Variants in ARID4B observed in about 807,000 individuals in gnomAD.
ARID4B encodes AT-rich interaction domain 4B.
A neutral mutation model predicts 147.5 loss-of-function variants in ARID4B; 26 were observed. The ratio of observed to expected loss-of-function variants is 0.18; its 90% CI spans 0.13 to 0.24. The LOEUF (loss-of-function observed/expected upper bound fraction) is 0.24, where lower values mean the gene tolerates loss of function less well. Among genes scored for constraint, ARID4B ranks in the 10% least tolerant of loss-of-function variants. The probability of loss-of-function intolerance (pLI) is 1.00; values close to 1 mark genes in which losing one functional copy is unlikely to be tolerated. For synonymous variants in ARID4B, 512 were observed against 507.9 expected (o/e 1.01, Z -0.11); for missense variants, 1,179 against 1,511.5 (o/e 0.78, Z 3.65).
intron 3 of ARID4B, among the ~76,000 whole-genome samples, chr1:235,258,158 C>G (rs1670098459): frequency 6.6e-6 from 1 of 152,022 alleles, no homozygotes; most frequent in Non-Finnish European, 1.5e-5. Context: ...TGGTGAAGCC[C>G]CATCTCTATT....
chr1:235,209,653 C>A (rs1666579545), intron 17 of ARID4B, among the ~76,000 whole-genome samples: 1 of 149,276 alleles, frequency 6.7e-6, no homozygotes. Context: ...AACCTCTGTG[C>A]CCCTGGATCA....
At chr1:235,196,696 AC>A (rs2102966711) in intron 17 of ARID4B, among the ~76,000 whole-genome samples, 1 of 152,134 alleles carries the variant, frequency 6.6e-6, no homozygotes, top group African/African-American at 2.4e-5. Context: ...TACTAAAAAT[AC>A]AAAAAATTAG....
chr1:235,294,311 A>ATTTTTTT (rs5781824), intron 2 of ARID4B, among the ~76,000 whole-genome samples: 27 of 114,106 alleles, frequency 2.4e-4, no homozygotes, highest in African/African-American at 8.4e-4. Context: ...AACCAGCAGC[A>ATTTTTTT]TTTTTTTTTT....
intron 17 of ARID4B, among the ~76,000 whole-genome samples, chr1:235,204,266 G>C (rs1197734915): frequency 2.0e-5 from 3 of 152,170 alleles, no homozygotes; most frequent in African/African-American, 7.2e-5. Flanking sequence ...AGGTTGCAGT[G>C]AGCCAAGATC....
intron 2 of ARID4B, among the ~76,000 whole-genome samples, chr1:235,321,288 T>G (rs1267557074): frequency 6.6e-6 from 1 of 152,188 alleles, no homozygotes; most frequent in Admixed American, 6.5e-5. Context: ...AGCACAAAAT[T>G]TGCCATGTTA....
chr1:235,189,359 C>T (rs1459374172), intron 19 of ARID4B, among the ~76,000 whole-genome samples: 1 of 141,822 alleles, frequency 7.1e-6, no homozygotes, highest in Non-Finnish European at 1.5e-5. Context: ...GAGATCATGC[C>T]ACTGCACTCC....
At chr1:235,209,276 G>A (rs902804124) in intron 17 of ARID4B, among the ~76,000 whole-genome samples, 5 of 152,140 alleles carry the variant, frequency 3.3e-5, no homozygotes, top group African/African-American at 1.2e-4. Context: ...TTTGAGACCA[G>A]TCTGGTCAAC....
chr1:235,215,133 CCA>C (rs1666974722), intron 16 of ARID4B, among the ~76,000 whole-genome samples: 1 of 152,104 alleles, frequency 6.6e-6, no homozygotes, highest in African/African-American at 2.4e-5. Context: ...CCGTGAGCCA[CCA>C]CACCTGGCCT....
intron 19 of ARID4B, chr1:235,187,018 T>C (rs1002159141): frequency 8.1e-6 from 3 of 371,370 alleles, no homozygotes; most frequent in African/African-American, 4.4e-5. Context: ...TCTCCAAGTC[T>C]TTCTTGTTCT....
Position 235,189,011 on chromosome 1 carries a change from G to A in ARID4B, c.2125+5002C>T, listed in dbSNP as rs181107190. On this transcript the variant is annotated intron_variant, in intron 19 of 23. Coordinates refer to ENST00000264183, the MANE Select transcript of ARID4B (RefSeq NM_016374.6). ...AAAATCCTTTGAAAGATCAAAATCC[G>A]AAAGGTAAGGTATTGCATCCATCTA... Among the ~76,000 whole-genome samples the A allele has an allele frequency of 1.3e-3, 204 of 152,166 alleles. No homozygotes were observed. The Middle Eastern group carries it at 0.017, about 13-fold the overall frequency.
Position 235,193,154 on chromosome 1 carries a change from C to T in ARID4B, c.2125+859G>A, listed in dbSNP as rs149086264. 5.7e-3 allele frequency among the ~76,000 whole-genome samples: 862 copies of T among 151,872 alleles called. 13 individuals are homozygous for T. Among genetic ancestry groups the T allele is most frequent in the African/African-American group, 0.02 (822 of 41,430 alleles). ...GGCTCCTGCCTGTAATCCTAGCACT[C>T]GGGAGGCTAAGACAGGCCAATTGCT... On this transcript the variant is annotated intron_variant, in intron 19 of 23. Transcript: ENST00000264183.
chr1:235,259,726 T>C (rs1283310423), intron 3 of ARID4B, among the ~76,000 whole-genome samples: 1 of 152,178 alleles, frequency 6.6e-6, no homozygotes, highest in Non-Finnish European at 1.5e-5. Flanking sequence ...GGAGTGTAAA[T>C]TAGAATCACC....
chr1:235,296,263 C>G (rs1314070027), intron 2 of ARID4B: 1 of 153,446 alleles, frequency 6.5e-6, no homozygotes, highest in African/African-American at 2.4e-5. Flanking sequence ...CCTGATCAGG[C>G]CTGATGGAAA....
intron 17 of ARID4B, among the ~76,000 whole-genome samples, chr1:235,202,961 C>CT (rs1331568722): frequency 6.6e-6 from 1 of 152,162 alleles, no homozygotes; most frequent in Non-Finnish European, 1.5e-5. Context: ...CTGCTAGGCA[C>CT]TGGGTACTCA....
intron 10 of ARID4B, among the ~76,000 whole-genome samples, chr1:235,230,897 G>A (rs1453592634): frequency 6.7e-6 from 1 of 148,580 alleles, no homozygotes; most frequent in African/African-American, 2.5e-5. Flanking sequence ...CACCCTGGGC[G>A]ACAGAGCAAG....
At chr1:235,206,645 G>C (rs1666323683) in intron 17 of ARID4B, among the ~76,000 whole-genome samples, 1 of 152,170 alleles carries the variant, frequency 6.6e-6, no homozygotes, top group South Asian at 2.1e-4. Context: ...TGGAGCCCAA[G>C]CAAAGCATAT....
chr1:235,273,348 C>G (rs1490793426), intron 2 of ARID4B, among the ~76,000 whole-genome samples: 1 of 152,162 alleles, frequency 6.6e-6, no homozygotes, highest in Non-Finnish European at 1.5e-5. Flanking sequence ...TCAGCCTACA[C>G]AGCTGTTCTT....
In ARID4B at chr1:235,240,432, A is replaced by G. The variant is rs1165808771; in HGVS notation, c.466T>C (p.Ser156Pro). Residue 156 changes from serine (S) to proline (P), a missense_variant, in exon 8 of 24, where the codon TCA becomes CCA. Ser to Pro is a moderately conservative substitution (Grantham distance 74). Around this residue, in one of 10 missense-constraint regions of ARID4B, gnomAD observed 159 missense variants for 190.5 expected, o/e 0.83. Coordinates refer to ENST00000264183, the MANE Select transcript of ARID4B (RefSeq NM_016374.6). ...TCCTCATCTTCATCACTGGAGGATG[A>G]TGAAGACTCTTCCTCTGGTCTAGGG... ...SNHIPEEESS[S>P]SSSDEDEDDR... 1 of 1,613,448 alleles carries G rather than the reference A, an allele frequency of 6.2e-7. No individual in the cohort carries two copies. The highest frequency in any genetic ancestry group is 8.5e-7 in the Non-Finnish European group (1 of 1,179,606).
At chr1:235,231,521 C>G (rs983493271) in intron 9 of ARID4B, among the ~76,000 whole-genome samples, 1 of 152,210 alleles carries the variant, frequency 6.6e-6, no homozygotes, top group Non-Finnish European at 1.5e-5. Context: ...GGGTCTCACT[C>G]TGTCATCCAG....
Sources: allele counts gnomAD v4.1 joint callset (sites outside exome capture counted in the v4.1 genomes callset), GRCh38; gene constraint gnomAD v4.1.1; regional missense constraint gnomAD v4.1.1; transcripts MANE v1.5; gene names NCBI Gene and HGNC (gene_info 2026-07-23, HGNC 2026-07-21).